Variants in ROBO1 observed in about 807,000 individuals in gnomAD.
ROBO1 encodes the protein roundabout guidance receptor 1.
Under a neutral mutation model 195.9 loss-of-function variants are expected in ROBO1, and 149 were observed. The ratio of observed to expected loss-of-function variants is 0.76; its 90% CI spans 0.67 to 0.87. The LOEUF is 0.87. Among genes scored for constraint, ROBO1 ranks in the 40% least tolerant of loss-of-function variants. The pLI is 0.00. For missense variants in ROBO1, 1,933 were observed against 2,068.3 expected, an observed-to-expected ratio of 0.93 and a Z score of 1.27; for synonymous variants, 816 against 733.2, an observed-to-expected ratio of 1.11 and a Z score of -1.82.
chr3:79,105,070 T>C (rs1265780856), intron 3 of ROBO1, among the ~76,000 whole-genome samples: 2 of 151,608 alleles, frequency 1.3e-5, no homozygotes, highest in Non-Finnish European at 3.0e-5. Context: ...ATCAAGTTAA[T>C]ACAAAAAAAT....
At chr3:79,474,463 C>A (rs1378407191) in intron 2 of ROBO1, among the ~76,000 whole-genome samples, 3 of 151,948 alleles carry the variant, frequency 2.0e-5, no homozygotes, top group African/African-American at 7.2e-5. Flanking sequence ...GTAATAATAG[C>A]ATCAATTGCA....
intron 4 of ROBO1, among the ~76,000 whole-genome samples, chr3:78,874,092 C>T (rs1279718317): frequency 6.6e-6 from 1 of 151,696 alleles, no homozygotes; most frequent in African/African-American, 2.4e-5. Context: ...AAGATTTTTC[C>T]ATCTTGCATT....
chr3:79,706,576 G>C (rs1947777210), intron 1 of ROBO1, among the ~76,000 whole-genome samples: 1 of 152,022 alleles, frequency 6.6e-6, no homozygotes, highest in Admixed American at 6.6e-5. Flanking sequence ...ACCCGGTAGG[G>C]GGTAATTAAG....
chr3:78,618,222 C>T (rs1270237235), intron 26 of ROBO1, among the ~76,000 whole-genome samples, 181 bp from the exon 27 acceptor site: 1 of 152,092 alleles, frequency 6.6e-6, no homozygotes, highest in African/African-American at 2.4e-5. Context: ...AGTTGCACTT[C>T]GCAACCAGAG....
chr3:79,430,055 A>G (rs1183739802), intron 2 of ROBO1, among the ~76,000 whole-genome samples: 4 of 151,844 alleles, frequency 2.6e-5, no homozygotes, highest in African/African-American at 4.8e-5. Flanking sequence ...ATAGTCTAAC[A>G]TTTATGATAC....
At chr3:78,890,344 TA>T (rs140135314) in intron 4 of ROBO1, among the ~76,000 whole-genome samples, 5,844 of 152,210 alleles carry the variant, frequency 0.038, 217 homozygotes, top group Admixed American at 0.12. Context: ...GGGACAGGGT[TA>T]ATCCCCTTAT....
At chr3:78,838,916 C>G (rs1297138072) in intron 4 of ROBO1, among the ~76,000 whole-genome samples, 1 of 152,202 alleles carries the variant, frequency 6.6e-6, no homozygotes, top group Admixed American at 6.5e-5. Flanking sequence ...TTAAACCTGG[C>G]ACTCCTTGAC....
chr3:79,099,517 G>T (rs949443035), intron 3 of ROBO1, among the ~76,000 whole-genome samples: 2 of 151,538 alleles, frequency 1.3e-5, no homozygotes, highest in Non-Finnish European at 3.0e-5. Context: ...GCAACCAGAG[G>T]ACAAAAAGGA....
At chr3:79,573,642 G>T (rs1396651857) in intron 2 of ROBO1, among the ~76,000 whole-genome samples, 1 of 152,078 alleles carries the variant, frequency 6.6e-6, no homozygotes, top group Non-Finnish European at 1.5e-5. Context: ...ATTATCGATG[G>T]TTTAAAGAAC....
At chr3:79,263,920 A>T (rs1375842420) in intron 2 of ROBO1, among the ~76,000 whole-genome samples, 2 of 151,716 alleles carry the variant, frequency 1.3e-5, no homozygotes, top group African/African-American at 4.8e-5. Context: ...TACTTCTTTG[A>T]CTCCTTCTAT....
At chr3:79,009,615 T>C (rs1245998137) in intron 3 of ROBO1, among the ~76,000 whole-genome samples, 2 of 152,194 alleles carry the variant, frequency 1.3e-5, no homozygotes, top group Admixed American at 1.3e-4. Context: ...TTGATTACAG[T>C]GCTGTTTTTG....
At chr3:78,646,973 C>A (rs1408424303) in intron 20 of ROBO1, among the ~76,000 whole-genome samples, 2 of 151,876 alleles carry the variant, frequency 1.3e-5, no homozygotes, top group Non-Finnish European at 2.9e-5. Flanking sequence ...TTAAAGCTGC[C>A]AAGTTCTGCT....
chr3:78,938,285 T>C, intron 4 of ROBO1: 1 of 293,222 alleles, frequency 3.4e-6, no homozygotes, highest in South Asian at 3.7e-5. Flanking sequence ...AGGCAGCACA[T>C]GGTTCCCTAT....
At chr3:79,273,810 G>C (rs1428070675) in intron 2 of ROBO1, among the ~76,000 whole-genome samples, 1 of 151,700 alleles carries the variant, frequency 6.6e-6, no homozygotes, top group Non-Finnish European at 1.5e-5. Context: ...TAAAGGTATG[G>C]AAATGAAAAA....
At chr3:78,675,235 G>C (rs1306145439) in intron 10 of ROBO1, among the ~76,000 whole-genome samples, 1 of 151,862 alleles carries the variant, frequency 6.6e-6, no homozygotes, top group Non-Finnish European at 1.5e-5. Context: ...CCCAGCGTGA[G>C]CGACGCAGAA....
At chr3:79,179,375 G>C (rs895709563) in intron 2 of ROBO1, among the ~76,000 whole-genome samples, 1 of 152,156 alleles carries the variant, frequency 6.6e-6, no homozygotes, top group Non-Finnish European at 1.5e-5. Flanking sequence ...TTATTTAATT[G>C]ACTTAATAAA....
intron 2 of ROBO1, among the ~76,000 whole-genome samples, chr3:79,388,181 C>A (rs1054990042): frequency 4.6e-4 from 70 of 152,114 alleles, no homozygotes; most frequent in Non-Finnish European, 4.4e-5. Flanking sequence ...ACCCTTCTTT[C>A]TTACGCTAAA....
intron 2 of ROBO1, among the ~76,000 whole-genome samples, chr3:79,137,427 A>G (rs1273931470): frequency 1.5e-5 from 1 of 64,658 alleles, no homozygotes; most frequent in Non-Finnish European, 3.1e-5. Flanking sequence ...AATACATGTT[A>G]CTGTTTTTTT....
intron 2 of ROBO1, among the ~76,000 whole-genome samples, chr3:79,498,473 G>A (rs554284417): frequency 6.6e-6 from 1 of 152,230 alleles, no homozygotes; most frequent in African/African-American, 2.4e-5. Flanking sequence ...ATAGGTTTAA[G>A]ATGAGAATCT....
Sources: gnomAD v4.1 joint callset for allele counts (sites outside exome capture counted in the v4.1 genomes callset) on GRCh38, gnomAD v4.1.1 for gene constraint, MANE v1.5 for transcripts, NCBI Gene and HGNC (gene_info 2026-07-23, HGNC 2026-07-21) for gene names.